The following IGSF9B variants were observed in gnomAD, a reference collection of about 807,000 sequenced individuals.
The protein encoded by IGSF9B is immunoglobulin superfamily member 9B.
In IGSF9B, 48 loss-of-function variants were observed where a neutral mutation model predicts 143.7. The ratio of observed to expected loss-of-function variants is 0.33; its 90% CI spans 0.26 to 0.42. The LOEUF (loss-of-function observed/expected upper bound fraction) is 0.42, where lower values mean the gene tolerates loss of function less well. Among genes scored for constraint, IGSF9B ranks in the 20% least tolerant of loss-of-function variants. The pLI, the probability that IGSF9B is intolerant of heterozygous loss-of-function variation, is 1.00. For missense variants in IGSF9B, 1,706 were observed against 1,980.0 expected (o/e 0.86, Z 2.63); for synonymous variants, 903 against 833.1 (o/e 1.08, Z -1.44).
At position 133,909,359 on chromosome 11, in the gene IGSF9B, C is replaced by T. The variant is rs1310647974; in HGVS notation, c.4106-82G>A. On this transcript the variant is annotated intron_variant, in intron 19 of 19. Transcript: ENST00000533871. The surrounding 1 kb of genome is among the most constrained non-coding windows in gnomAD (Gnocchi z 4.2). ...GCAGCCTGCTCACCTTTTCCACCTG[C>T]ATTTGTTCCGGGTTTCTAATGTTGA... The T allele has an allele frequency of 1.5e-5, 17 of 1,113,238 alleles. No individual in the cohort carries two copies. Among genetic ancestry groups the T allele is most frequent in the East Asian group, 5.2e-5 (2 of 38,778 alleles). 69.0% of individuals were successfully genotyped at this position (1,113,238 alleles called of 1,614,324 possible).
At chr11:133,911,377 G>GTA (rs1427776342) in intron 19 of IGSF9B, among the ~76,000 whole-genome samples, 1 of 152,176 alleles carries the variant, frequency 6.6e-6, no homozygotes, top group Admixed American at 6.5e-5. Flanking sequence ...CCAGGCTGCA[G>GTA]TGTACCCTGA....
At chr11:133,922,446 C>T (rs1939558429) in intron 16 of IGSF9B, 123 bp downstream of exon 16, 1 of 1,077,534 alleles carries the variant, frequency 9.3e-7, no homozygotes, top group Admixed American at 2.4e-5. Context: ...ACTGGCAGCT[C>T]TACCCACAAG....
In IGSF9B at chr11:133,935,629, G is replaced by A. The variant is rs1256801838; in HGVS notation, c.955C>T (p.Leu319=). ...LGRSPSASAY[L]TVQYPARVLN... ...CACCCCTACTCACACTGCACGGTCA[G>A]GTACGCCGAGGCGGAGGGGGAGCGC... Residue 319 remains leucine, a synonymous_variant, in exon 7 of 20, where the codon CTG becomes TTG. Transcript: ENST00000533871. The A allele has an allele frequency of 1.6e-5, 26 of 1,610,440 alleles. No homozygotes were observed. The highest frequency in any genetic ancestry group is 2.2e-5 in the Non-Finnish European group (26 of 1,178,768).
intron 18 of IGSF9B, chr11:133,912,256 C>A: frequency 1.5e-6 from 1 of 652,070 alleles, no homozygotes; most frequent in Non-Finnish European, 2.8e-6. Context: ...ATCAGAAGAC[C>A]CTAGCAAAGG....
chr11:133,937,352 A>C, intron 5 of IGSF9B, 24 bp downstream of exon 5: 2 of 1,560,328 alleles, frequency 1.3e-6, no homozygotes, highest in Non-Finnish European at 1.8e-6. Flanking sequence ...CCAGGGTTAA[A>C]GAGGCTGAGG....
rs747729889 is a variant in IGSF9B at position 133,931,782 on chromosome 11, G to T, written c.1124C>A (p.Thr375Asn). The stretch of plus-strand genomic sequence containing the variant: ...TCGAATGGAGCCATCCTCCATCAGG[G>T]TCCAACCGAGGTTCTGCCAGACACA... ...PLQVEKNLGW[T>N]LMEDGSIRIE... The change falls in exon 9 of 20, where the codon ACC (threonine) becomes AAC (asparagine). Residue 375 changes from threonine to asparagine, a missense_variant. Transcript: ENST00000533871. This position sits in a 1 kb window ranked among gnomAD's most constrained non-coding sequence, Gnocchi z 7.7. 1 of 1,612,180 alleles carries T rather than the reference G, an allele frequency of 6.2e-7. No individual in the cohort carries two copies. The highest frequency in any genetic ancestry group is 2.2e-5 in the East Asian group (1 of 44,866).
chr11:133,934,409 T>C (rs1435538664), intron 7 of IGSF9B, among the ~76,000 whole-genome samples: 3 of 152,212 alleles, frequency 2.0e-5, no homozygotes, highest in Admixed American at 2.0e-4. Flanking sequence ...CCAGCACAGC[T>C]TGGGCACATC....
intron 1 of IGSF9B, among the ~76,000 whole-genome samples, chr11:133,952,923 C>T (rs888011912): frequency 2.6e-5 from 4 of 152,126 alleles, no homozygotes; most frequent in Admixed American, 6.5e-5. Context: ...GGAAGGGGAC[C>T]GCTCCCTAAG....
rs923319060 is a variant in IGSF9B, at chr11:133,946,414, T to C, written c.65-156A>G. Reference sequence around the variant, plus strand: ...AGGAGGGTCCCAGGCACACCCTCCATCCCTCTCCCCCTCGCTGCTCATACC... The same window carrying C: ...AGGAGGGTCCCAGGCACACCCTCCACCCCTCTCCCCCTCGCTGCTCATACC... On this transcript the variant is annotated intron_variant, in intron 1 of 19. Transcript: ENST00000533871. The C allele has an allele frequency of 3.3e-5, 21 of 635,350 alleles. No individual in the cohort carries two copies. In the Admixed American group the frequency reaches 5.5e-4, roughly 17 times the overall value. 39.4% of individuals were successfully genotyped at this position (635,350 alleles called of 1,614,324 possible).
rs1418168726 is a variant in IGSF9B, at chr11:133,937,836, G to C, written c.535C>G (p.Leu179Val). Residue 179 changes from leucine (L) to valine (V), a missense_variant, in exon 4 of 20, where the codon CTC becomes GTC. Coordinates refer to ENST00000533871, the MANE Select transcript of IGSF9B (RefSeq NM_001277285.4). The stretch of plus-strand genomic sequence containing the variant: ...TGGTATTTCCCACTAGCACCGAGGA[G>C]CGTCCCCTCCTTGAGCCAGGTGACA... ...PIVTWLKEGT[L>V]LGASGKYQVS... 6.2e-7 allele frequency: 1 copy of C among 1,610,498 alleles called. No homozygotes were observed. The highest frequency in any genetic ancestry group is 1.7e-4 in the Middle Eastern group (1 of 6,058).
At chr11:133,930,931 C>G in intron 11 of IGSF9B, 53 bp downstream of exon 11, 1 of 1,524,542 alleles carries the variant, frequency 6.6e-7, no homozygotes, top group Non-Finnish European at 8.8e-7. Flanking sequence ...CACCCCGCCC[C>G]CAGCCAGCCT....
At chr11:133,949,521 G>A (rs1941290233) in intron 1 of IGSF9B, among the ~76,000 whole-genome samples, 1 of 152,158 alleles carries the variant, frequency 6.6e-6, no homozygotes, top group Non-Finnish European at 1.5e-5. Flanking sequence ...CAAATACAGG[G>A]GGAAACCAAA....
intron 3 of IGSF9B, among the ~76,000 whole-genome samples, chr11:133,942,631 T>C (rs329643): frequency 0.56 from 85,663 of 152,050 alleles, 27,096 homozygotes; most frequent in Middle Eastern, 0.73. Flanking sequence ...CCATTCAGAA[T>C]AGAGCACAGT....
intron 19 of IGSF9B, 102 bp downstream of exon 19, chr11:133,911,784 C>T: frequency 8.7e-7 from 1 of 1,148,254 alleles, no homozygotes; most frequent in South Asian, 2.1e-5. Flanking sequence ...AAGGTTGGGG[C>T]CCTGAGCCCA....
Position 133,945,826 on chromosome 11 carries a change from C to G in IGSF9B, c.262+235G>C, listed in dbSNP as rs1940037218. The stretch of plus-strand genomic sequence containing the variant: ...CTCCAGCTTCCCCTTTGGCTCCCAG[C>G]CCTCTCCACAGCCCAGGCGGTGCTG... On this transcript the variant is annotated intron_variant, in intron 2 of 19. Coordinates refer to ENST00000533871, the MANE Select transcript of IGSF9B (RefSeq NM_001277285.4). The surrounding 1 kb of genome is among the most constrained non-coding windows in gnomAD (Gnocchi z 4.6). Among the ~76,000 whole-genome samples, 1 of 152,108 alleles carries G rather than the reference C, an allele frequency of 6.6e-6. No individual in the cohort carries two copies. Among genetic ancestry groups the G allele is most frequent in the Admixed American group, 6.6e-5 (1 of 15,266 alleles).
Position 133,921,229 on chromosome 11 carries a change from G to A in IGSF9B, c.2496C>T (p.Tyr832=), listed in dbSNP as rs1320433219. ...CCTCGGCCTCTGCCTTGGCCACGCT[G>A]TACTTCTTGCTGCTGATGGCCCGCT... ...KTKRAISSKK[Y]SVAKAEAEAE... is the part of the protein sequence containing the mutation. Residue 832 remains tyrosine, a synonymous_variant, in exon 18 of 20, where the codon TAC becomes TAT. Transcript: ENST00000533871. The A allele has an allele frequency of 6.2e-7, 1 of 1,610,786 alleles. No homozygotes were observed. Among genetic ancestry groups the A allele is most frequent in the Non-Finnish European group, 8.5e-7 (1 of 1,179,056 alleles).
intron 3 of IGSF9B, 87 bp from the exon 4 acceptor site, chr11:133,938,048 C>G: frequency 1.4e-6 from 2 of 1,417,092 alleles, no homozygotes; most frequent in South Asian, 2.6e-5. Context: ...ACATCACCCT[C>G]GCTGCGGCTC....
chr11:133,954,092 GC>G (rs1433209480), intron 1 of IGSF9B, among the ~76,000 whole-genome samples: 2 of 152,148 alleles, frequency 1.3e-5, no homozygotes, highest in Admixed American at 6.5e-5. Flanking sequence ...CTGAGGGACT[GC>G]CCCAGAAGTC....
intron 3 of IGSF9B, among the ~76,000 whole-genome samples, chr11:133,941,758 C>G (rs539146096): frequency 6.6e-6 from 1 of 152,184 alleles, no homozygotes; most frequent in Admixed American, 6.5e-5. Context: ...ACAGCCTACC[C>G]GTGTTCCCTG....
Sources: gnomAD v4.1 joint callset for allele counts (sites outside exome capture counted in the v4.1 genomes callset) on GRCh38, gnomAD v4.1.1 for gene constraint, Gnocchi (gnomAD v3.1) non-coding constraint, MANE v1.5 for transcripts, NCBI Gene and HGNC (gene_info 2026-07-23, HGNC 2026-07-21) for gene names.